COX10: variants seen among roughly 807,000 people sequenced by gnomAD.
The protein encoded by COX10 is cytochrome c oxidase assembly factor heme A:farnesyltransferase COX10.
In COX10, 27 loss-of-function variants were observed where a neutral mutation model predicts 37.3. The ratio of observed to expected loss-of-function variants is 0.72; its 90% CI spans 0.53 to 1.00. The LOEUF (loss-of-function observed/expected upper bound fraction) is 1.00, where lower values mean the gene tolerates loss of function less well. Among genes scored for constraint, COX10 ranks in the 50% least tolerant of loss-of-function variants. The probability of loss-of-function intolerance (pLI) is 0.00; values close to 1 mark genes in which losing one functional copy is unlikely to be tolerated. For missense variants in COX10, 475 were observed against 563.2 expected, an observed-to-expected ratio of 0.84 and a Z score of 1.59; for synonymous variants, 222 against 229.1, an observed-to-expected ratio of 0.97 and a Z score of 0.28.
chr17:14,081,421 A>G (rs893372214), intron 3 of COX10, among the ~76,000 whole-genome samples: 1 of 152,378 alleles, frequency 6.6e-6, no homozygotes, highest in South Asian at 2.1e-4. Context: ...ATTGCTAAGG[A>G]GACATAAAAT....
intron 5 of COX10, among the ~76,000 whole-genome samples, chr17:14,190,747 C>T (rs1273963276): frequency 1.3e-5 from 2 of 152,106 alleles, no homozygotes; most frequent in African/African-American, 2.4e-5. Flanking sequence ...GGCACCCTCC[C>T]GGCTAAATTC....
intron 3 of COX10, among the ~76,000 whole-genome samples, chr17:14,081,015 T>C (rs1409195520): frequency 6.6e-6 from 1 of 152,222 alleles, no homozygotes; most frequent in East Asian, 1.9e-4. Flanking sequence ...GGAATAGGCT[T>C]GATTAAGAAA....
intron 5 of COX10, among the ~76,000 whole-genome samples, chr17:14,188,113 T>TG (rs2142260659): frequency 6.7e-6 from 1 of 148,938 alleles, no homozygotes; most frequent in Non-Finnish European, 1.5e-5. Context: ...TTTTTTTTTT[T>TG]TTTTTTTTGA....
intron 4 of COX10, among the ~76,000 whole-genome samples, chr17:14,147,395 C>A (rs555447950): frequency 3.4e-4 from 51 of 151,984 alleles, no homozygotes; most frequent in Non-Finnish European, 6.8e-4. Context: ...ATAAGCCAGG[C>A]ACAGAAAAAC....
intron 3 of COX10, among the ~76,000 whole-genome samples, chr17:14,080,098 A>G (rs937640192): frequency 6.6e-6 from 1 of 152,108 alleles, no homozygotes; most frequent in African/African-American, 2.4e-5. Context: ...CTTTAGGATC[A>G]GTACTTAGAA....
chr17:14,078,383 A>C (rs8073541), intron 3 of COX10, among the ~76,000 whole-genome samples: 1 of 152,146 alleles, frequency 6.6e-6, no homozygotes, highest in Non-Finnish European at 1.5e-5. Flanking sequence ...CACTTAGCAC[A>C]TCCACCCTGC....
At chr17:14,190,743 C>A (rs144102624) in intron 5 of COX10, among the ~76,000 whole-genome samples, 519 of 151,800 alleles carry the variant, frequency 3.4e-3, no homozygotes, top group African/African-American at 0.012. Context: ...CTCTGGCACC[C>A]TCCCGGCTAA....
chr17:14,148,275 G>T (rs879866885), intron 4 of COX10, among the ~76,000 whole-genome samples: 9 of 152,126 alleles, frequency 5.9e-5, no homozygotes, highest in Non-Finnish European at 1.2e-4. Flanking sequence ...CAATGGGAAG[G>T]AGTCTTACTT....
chr17:14,131,856 A>C (rs1437477913), intron 4 of COX10, among the ~76,000 whole-genome samples: 2 of 151,966 alleles, frequency 1.3e-5, no homozygotes, highest in African/African-American at 2.4e-5. Flanking sequence ...CTGAAGCCTA[A>C]ATCAGTAGCT....
At chr17:14,127,092 C>G (rs781453081) in intron 4 of COX10, among the ~76,000 whole-genome samples, 2 of 151,776 alleles carry the variant, frequency 1.3e-5, no homozygotes, top group Non-Finnish European at 2.9e-5. Flanking sequence ...TTAATTTGAC[C>G]AAAACTGTGT....
chr17:14,107,657 AATT>A (rs1915923495), intron 4 of COX10, among the ~76,000 whole-genome samples: 1 of 148,168 alleles, frequency 6.7e-6, no homozygotes, highest in Non-Finnish European at 1.5e-5. Flanking sequence ...CTGTCAGCCT[AATT>A]GTACTGTTTT....
At chr17:14,144,794 CTTTTCTTTTTCTTTT>C (rs1311337580) in intron 4 of COX10, among the ~76,000 whole-genome samples, 3 of 152,078 alleles carry the variant, frequency 2.0e-5, no homozygotes, top group African/African-American at 7.2e-5. Flanking sequence ...TCAAAGTTTT[CTTTTCTTTTTCTTTT>C]TTTTCTTTTT....
intron 3 of COX10, among the ~76,000 whole-genome samples, chr17:14,087,482 G>A (rs1242104753): frequency 2.0e-5 from 3 of 152,130 alleles, no homozygotes; most frequent in African/African-American, 7.2e-5. Context: ...TGCCTGGCAC[G>A]TAGTAAGCGC....
At chr17:14,125,323 T>G (rs1322501301) in intron 4 of COX10, among the ~76,000 whole-genome samples, 3 of 152,180 alleles carry the variant, frequency 2.0e-5, no homozygotes, top group African/African-American at 7.2e-5. Flanking sequence ...TCTACAACTC[T>G]CTAAAATGGA....
intron 3 of COX10, among the ~76,000 whole-genome samples, chr17:14,089,474 G>A (rs1470846651): frequency 6.6e-6 from 1 of 152,198 alleles, no homozygotes; most frequent in Non-Finnish European, 1.5e-5. Context: ...GTCCAACAGA[G>A]CTAGCCCAAG....
At chr17:14,091,159 C>T (rs1915518442) in intron 3 of COX10, among the ~76,000 whole-genome samples, 1 of 152,128 alleles carries the variant, frequency 6.6e-6, no homozygotes, top group Admixed American at 6.6e-5. Flanking sequence ...CAACTGCTGT[C>T]ATTGTGTCTT....
intron 6 of COX10, among the ~76,000 whole-genome samples, chr17:14,200,916 A>G (rs1197522421): frequency 6.6e-6 from 1 of 152,162 alleles, no homozygotes; most frequent in Non-Finnish European, 1.5e-5. Context: ...GCCTTCCCTG[A>G]CCTCTCAAGG....
Position 14,159,927 on chromosome 17 carries a change from G to T in COX10, c.675G>T (p.Pro225=), listed in dbSNP as rs199609301. Residue 225 remains proline (P), a synonymous_variant, in exon 5 of 7, where the codon CCG becomes CCT. Transcript: ENST00000261643. ...DSNMNRTKNR[P]LVRGQISPLL... is the part of the protein sequence containing the mutation. ...ACATGAATAGGACAAAGAACAGACC[G>T]CTGGTTCGTGGACAGATCAGGTAAA... 2.0e-5 allele frequency: 32 copies of T among 1,612,276 alleles called. No individual in the cohort carries two copies. The highest frequency in any genetic ancestry group is 6.7e-5 in the African/African-American group (5 of 74,874).
At chr17:14,104,422 C>T (rs1178027123) in intron 4 of COX10, among the ~76,000 whole-genome samples, 1 of 151,924 alleles carries the variant, frequency 6.6e-6, no homozygotes, top group Non-Finnish European at 1.5e-5. Context: ...GAGCACTGGG[C>T]AATAAGGGTT....
Sources: allele counts gnomAD v4.1 joint callset (sites outside exome capture counted in the v4.1 genomes callset), GRCh38; gene constraint gnomAD v4.1.1; transcripts MANE v1.5; gene names NCBI Gene and HGNC (gene_info 2026-07-23, HGNC 2026-07-21).